Variants in SGCD observed in about 807,000 individuals in gnomAD.
SGCD encodes the protein sarcoglycan delta.
In SGCD, 18 loss-of-function variants were observed where a neutral mutation model predicts 36.6. The observed-to-expected ratio is 0.49, with a 90% CI of 0.34 to 0.73. The LOEUF is 0.73. SGCD is among the 30% of genes least tolerant of loss of function. The pLI is 0.01. For synonymous variants in SGCD, 133 were observed against 130.6 expected (o/e 1.02, Z -0.12); for missense variants, 387 against 346.7 (o/e 1.12, Z -0.92).
chr5:156,611,959 T>C (rs1304691920), intron 6 of SGCD, among the ~76,000 whole-genome samples: 1 of 152,226 alleles, frequency 6.6e-6, no homozygotes, highest in East Asian at 1.9e-4. Context: ...GAATTTCTCA[T>C]TCAGATGATG....
intron 6 of SGCD, among the ~76,000 whole-genome samples, chr5:156,633,280 T>C (rs747934205): frequency 6.6e-5 from 10 of 152,196 alleles, no homozygotes; most frequent in Non-Finnish European, 1.5e-4. Flanking sequence ...TAGAATCTGA[T>C]TGGTCAGGTG....
At position 156,534,364 on chromosome 5, in the gene SGCD, A is replaced by G. The variant is rs17053601; in HGVS notation, c.294+25662A>G. ...TAGCCAAGATTTTTTGCCATTTCCT[A>G]ATCTACCCTCAGCCTTTCTCCCTTC... On this transcript the variant is annotated intron_variant, in intron 4 of 8. Coordinates refer to ENST00000337851, the MANE Select transcript of SGCD (RefSeq NM_000337.6). Among the ~76,000 whole-genome samples, 415 of 152,112 alleles carry G rather than the reference A, an allele frequency of 2.7e-3. 10 individuals carry two copies. In the East Asian group the frequency reaches 0.071, roughly 26 times the overall value.
At chr5:156,687,639 A>G (rs577022811) in intron 7 of SGCD, among the ~76,000 whole-genome samples, 1 of 152,302 alleles carries the variant, frequency 6.6e-6, no homozygotes, top group African/African-American at 2.4e-5. Flanking sequence ...CCGCCAGGAA[A>G]ATGTGTAACG....
At chr5:156,364,662 C>T (rs1038867662) in intron 3 of SGCD, among the ~76,000 whole-genome samples, 14 of 152,198 alleles carry the variant, frequency 9.2e-5, no homozygotes, top group Admixed American at 9.2e-4. Context: ...AGTTGGCCTC[C>T]CTCCCTTTGT....
chr5:156,022,772 T>G (rs765913636), intron 1 of SGCD, among the ~76,000 whole-genome samples: 1 of 152,172 alleles, frequency 6.6e-6, no homozygotes, highest in Non-Finnish European at 1.5e-5. Flanking sequence ...TTTTCTTTTC[T>G]CCTTTTCCTT....
At chr5:156,499,371 A>G (rs1005706446) in intron 3 of SGCD, among the ~76,000 whole-genome samples, 6 of 152,236 alleles carry the variant, frequency 3.9e-5, no homozygotes, top group Non-Finnish European at 8.8e-5. Flanking sequence ...TAGGCAATGT[A>G]CTGAGCCCCC....
intron 1 of SGCD, among the ~76,000 whole-genome samples, chr5:156,111,443 C>A (rs1165445155): frequency 6.6e-6 from 1 of 152,140 alleles, no homozygotes; most frequent in Non-Finnish European, 1.5e-5. Flanking sequence ...AAGTGGAAAT[C>A]ATTTATTTTT....
At chr5:156,247,128 AAAG>A (rs1765458407) in intron 3 of SGCD, among the ~76,000 whole-genome samples, 4 of 152,200 alleles carry the variant, frequency 2.6e-5, no homozygotes, top group African/African-American at 7.2e-5. Flanking sequence ...TTAGAACTGG[AAAG>A]AATAAGAAAT....
chr5:156,353,496 T>C (rs17555038), intron 3 of SGCD, among the ~76,000 whole-genome samples: 20,971 of 152,212 alleles, frequency 0.14, 1,741 homozygotes, highest in African/African-American at 0.23. Flanking sequence ...GGTAGGAGAC[T>C]TCATCCTAGC....
intron 3 of SGCD, among the ~76,000 whole-genome samples, chr5:156,414,651 C>T (rs1241564158): frequency 6.6e-6 from 1 of 152,162 alleles, no homozygotes; most frequent in Admixed American, 6.5e-5. Flanking sequence ...AAGCTTTTCA[C>T]AGGCTTTTAC....
intron 1 of SGCD, among the ~76,000 whole-genome samples, chr5:156,102,645 G>A (rs939888073): frequency 6.6e-6 from 1 of 152,170 alleles, no homozygotes; most frequent in South Asian, 2.1e-4. Flanking sequence ...ATGACTATTT[G>A]CTGAGAAGCA....
At chr5:156,340,153 C>T (rs900959279) in intron 2 of SGCD, among the ~76,000 whole-genome samples, 1 of 152,138 alleles carries the variant, frequency 6.6e-6, no homozygotes, top group African/African-American at 2.4e-5. Context: ...ACATATGGAA[C>T]ATTTATGATT....
chr5:156,451,718 T>C (rs939815568), intron 3 of SGCD, among the ~76,000 whole-genome samples: 2 of 152,178 alleles, frequency 1.3e-5, no homozygotes, highest in African/African-American at 4.8e-5. Flanking sequence ...GCTAAATAGT[T>C]AACCTGATGT....
Position 156,280,762 on chromosome 5 carries a change from T to C in SGCD, c.-43-48772T>C, listed in dbSNP as rs1022360580. Among the ~76,000 whole-genome samples, 8 of 152,324 alleles carry C rather than the reference T, an allele frequency of 5.3e-5. No homozygotes were observed. In the East Asian group the frequency reaches 7.7e-4, roughly 15 times the overall value. Reference sequence around the variant, plus strand: ...TCCACAGAGGGGGAAAGTTTCAGTGTTGGGGAAATAAGAATTAAGAATAGA... The same window carrying C: ...TCCACAGAGGGGGAAAGTTTCAGTGCTGGGGAAATAAGAATTAAGAATAGA... On this transcript the variant is annotated intron_variant, in intron 3 of 9. Coordinates refer to the SGCD transcript ENST00000517913.
intron 1 of SGCD, among the ~76,000 whole-genome samples, chr5:155,939,283 G>A (rs560003882): frequency 5.3e-5 from 8 of 152,218 alleles, no homozygotes; most frequent in African/African-American, 1.7e-4. Context: ...ATTCCACTAT[G>A]TGTACATATT....
At chr5:155,751,157 A>G in the SGCD span, among the ~76,000 whole-genome samples, 1 of 152,210 alleles carries the variant, frequency 6.6e-6, no homozygotes, top group Non-Finnish European at 1.5e-5. Flanking sequence ...TGAGTAACGG[A>G]TGCATTTATT....
chr5:156,642,461 CTTTTTTTTTT>C (rs58501471), intron 6 of SGCD, among the ~76,000 whole-genome samples: 73 of 80,038 alleles, frequency 9.1e-4, no homozygotes, highest in African/African-American at 3.0e-3. Flanking sequence ...CAGCATCAGT[CTTTTTTTTTT>C]TTTTTTTTTT....
At chr5:156,529,460 A>G (rs1437339242) in intron 4 of SGCD, among the ~76,000 whole-genome samples, 1 of 146,824 alleles carries the variant, frequency 6.8e-6, no homozygotes, top group Non-Finnish European at 1.5e-5. Context: ...ATGTTTTAAT[A>G]TGGTCATGTG....
chr5:155,932,996 C>A (rs1437560621), intron 1 of SGCD, among the ~76,000 whole-genome samples: 1 of 152,134 alleles, frequency 6.6e-6, no homozygotes, highest in Non-Finnish European at 1.5e-5. Flanking sequence ...ACCTCTTCTG[C>A]ATTTTCATTT....
Sources: allele counts gnomAD v4.1 joint callset (sites outside exome capture counted in the v4.1 genomes callset), GRCh38; gene constraint gnomAD v4.1.1; transcripts MANE v1.5; gene names NCBI Gene and HGNC (gene_info 2026-07-23, HGNC 2026-07-21).